Variants in CALN1 observed in about 807,000 individuals in gnomAD.
CALN1 encodes calcium-binding protein 8.
Under a neutral mutation model 30.6 loss-of-function variants are expected in CALN1, and 17 were observed. The ratio of observed to expected loss-of-function variants is 0.56; its 90% CI spans 0.38 to 0.83. CALN1 has a LOEUF of 0.83. Ranked by LOEUF, CALN1 falls within the 40% of genes least tolerant of loss-of-function variation. CALN1 has a pLI of 0.00. For synonymous variants in CALN1, 156 were observed against 131.4 expected (o/e 1.19, Z -1.28); for missense variants, 291 against 354.9 (o/e 0.82, Z 1.45).
rs28544267 is a variant in CALN1 at position 72,138,218 on chromosome 7, T to C, written c.245-31924A>G. 5.6e-3 allele frequency among the ~76,000 whole-genome samples: 860 copies of C among 152,224 alleles called. 8 individuals are homozygous for C. Among genetic ancestry groups the C allele is most frequent in the African/African-American group, 0.019 (799 of 41,544 alleles). On this transcript the variant is annotated intron_variant, in intron 3 of 6. Coordinates refer to ENST00000395275, the MANE Select transcript of CALN1 (RefSeq NM_031468.4). Reference sequence around the variant, plus strand: ...AAGGGAAAAAGACATAAAGGAAATATATGACATGTAAAGATGGAATTATCA... The same window carrying C: ...AAGGGAAAAAGACATAAAGGAAATACATGACATGTAAAGATGGAATTATCA...
chr7:72,297,774 T>C (rs1340459535), intron 2 of CALN1, among the ~76,000 whole-genome samples: 8 of 152,372 alleles, frequency 5.3e-5, no homozygotes, highest in South Asian at 2.1e-4. Flanking sequence ...CATTCTTCAA[T>C]TCCATCTGAC....
chr7:71,901,816 A>G (rs1793866423), intron 5 of CALN1, among the ~76,000 whole-genome samples: 1 of 152,196 alleles, frequency 6.6e-6, no homozygotes, highest in Non-Finnish European at 1.5e-5. Flanking sequence ...TTTAAATACT[A>G]GAAGAAAACC....
intron 3 of CALN1, among the ~76,000 whole-genome samples, chr7:72,247,578 A>G (rs1391131911): frequency 6.6e-6 from 1 of 152,118 alleles, no homozygotes; most frequent in Non-Finnish European, 1.5e-5. Flanking sequence ...TTCTTATTAA[A>G]GATAAATTAT....
chr7:71,874,149 C>A (rs1792106725), intron 5 of CALN1, among the ~76,000 whole-genome samples: 2 of 151,894 alleles, frequency 1.3e-5, no homozygotes, highest in South Asian at 4.2e-4. Flanking sequence ...GTGGTGGGCA[C>A]CTGTAGTACC....
intron 1 of CALN1, among the ~76,000 whole-genome samples, chr7:72,408,835 T>C (rs1691659504): frequency 1.3e-5 from 2 of 151,508 alleles, no homozygotes; most frequent in South Asian, 4.2e-4. Flanking sequence ...GCACCATCAC[T>C]CCTGGCTAAT....
intron 2 of CALN1, chr7:72,337,132 GC>G: frequency 1.0e-6 from 1 of 985,808 alleles, no homozygotes; most frequent in Non-Finnish European, 1.2e-6. Context: ...AGTGGCCGAG[GC>G]CCCGCTGGAG....
At chr7:72,389,473 A>G (rs1255226409) in intron 2 of CALN1, among the ~76,000 whole-genome samples, 1 of 152,196 alleles carries the variant, frequency 6.6e-6, no homozygotes, top group Non-Finnish European at 1.5e-5. Flanking sequence ...AAAGAATTCA[A>G]AAATCTGAGT....
At chr7:72,136,186 T>G (rs1440355627) in intron 3 of CALN1, among the ~76,000 whole-genome samples, 1 of 104,144 alleles carries the variant, frequency 9.6e-6, no homozygotes, top group African/African-American at 4.3e-5. Flanking sequence ...TGGTTTTTTC[T>G]GCATTGAAAA....
intron 5 of CALN1, among the ~76,000 whole-genome samples, chr7:71,854,660 A>G (rs906372718): frequency 3.3e-5 from 5 of 152,232 alleles, no homozygotes; most frequent in Non-Finnish European, 7.3e-5. Flanking sequence ...TGGCAGTTTC[A>G]TGCTAGACAG....
At chr7:71,815,840 CTCCTTCCTTCCTTCTTTCCTTCCTCCCT>C (rs2116262652) in intron 5 of CALN1, among the ~76,000 whole-genome samples, 1 of 135,576 alleles carries the variant, frequency 7.4e-6, no homozygotes, top group East Asian at 2.4e-4. Context: ...CCCTCCCTCC[CTCCTTCCTTCCTTCTTTCCTTCCTCCCT>C]TCCTTCCCTC....
intron 3 of CALN1, among the ~76,000 whole-genome samples, chr7:72,247,108 G>A (rs1795221372): frequency 6.6e-6 from 1 of 151,494 alleles, no homozygotes; most frequent in South Asian, 2.1e-4. Flanking sequence ...TATGCCCTGT[G>A]GCCACCTTCC....
chr7:72,258,460 CATCA>C (rs1245739811), intron 3 of CALN1, among the ~76,000 whole-genome samples: 1 of 152,160 alleles, frequency 6.6e-6, no homozygotes, highest in Admixed American at 6.5e-5. Flanking sequence ...AGAAGAACTC[CATCA>C]ATCAATAACC....
chr7:72,386,843 G>T (rs1415601996), intron 2 of CALN1, among the ~76,000 whole-genome samples: 1 of 152,034 alleles, frequency 6.6e-6, no homozygotes, highest in Non-Finnish European at 1.5e-5. Flanking sequence ...ACCTTGCCCT[G>T]GCTGGCCTTA....
intron 3 of CALN1, among the ~76,000 whole-genome samples, chr7:72,246,186 T>G (rs962068484): frequency 6.6e-6 from 1 of 152,238 alleles, no homozygotes; most frequent in Non-Finnish European, 1.5e-5. Flanking sequence ...CAATGGGACC[T>G]CTGGATCATC....
intron 2 of CALN1, among the ~76,000 whole-genome samples, chr7:72,326,249 T>C (rs1801269474): frequency 6.6e-6 from 1 of 152,158 alleles, no homozygotes; most frequent in Admixed American, 6.6e-5. Context: ...ATCCTGATCG[T>C]CCTTGCACAA....
chr7:72,259,223 C>A (rs975485466), intron 3 of CALN1, among the ~76,000 whole-genome samples: 1 of 151,978 alleles, frequency 6.6e-6, no homozygotes, highest in Non-Finnish European at 1.5e-5. Flanking sequence ...ACTACTGGGC[C>A]TTGGGGATGG....
intron 5 of CALN1, among the ~76,000 whole-genome samples, chr7:71,984,634 G>A (rs982279172): frequency 7.2e-5 from 11 of 152,080 alleles, no homozygotes; most frequent in Admixed American, 2.6e-4. Flanking sequence ...TCACTGGAGG[G>A]GTACAGGAGA....
chr7:72,130,814 A>C (rs1809090201), intron 3 of CALN1, among the ~76,000 whole-genome samples: 2 of 152,222 alleles, frequency 1.3e-5, no homozygotes. Flanking sequence ...TTATTGCTGA[A>C]GGATGGGATT....
At chr7:72,144,849 A>G (rs1259969055) in intron 3 of CALN1, among the ~76,000 whole-genome samples, 2 of 151,802 alleles carry the variant, frequency 1.3e-5, no homozygotes, top group African/African-American at 4.8e-5. Flanking sequence ...ACACGGAAAC[A>G]ACAACCTGCT....
Sources: gnomAD v4.1 joint callset for allele counts (sites outside exome capture counted in the v4.1 genomes callset) on GRCh38, gnomAD v4.1.1 for gene constraint, MANE v1.5 for transcripts, NCBI Gene and HGNC (gene_info 2026-07-23, HGNC 2026-07-21) for gene names.